The following NLRP14 variants were observed in gnomAD, a reference collection of about 807,000 sequenced individuals.
NLRP14 encodes NACHT, LRR and PYD domains-containing protein 14.
In NLRP14, 105 loss-of-function variants were observed where a neutral mutation model predicts 94.7. That is an observed-to-expected ratio of 1.11 (90% CI 0.95 to 1.30). The LOEUF is 1.30. Among genes scored for constraint, NLRP14 ranks in the 50% most tolerant of loss-of-function variants. NLRP14 has a pLI of 0.00. For synonymous variants in NLRP14, 508 were observed against 459.9 expected (o/e 1.10, Z -1.34); for missense variants, 1,362 against 1,254.1 (o/e 1.09, Z -1.30).
chr11:7,060,099 C>T lies in NLRP14; in HGVS notation c.2804+35C>T, dbSNP rs367558285. 7.6e-5 allele frequency: 119 copies of T among 1,571,402 alleles called. 1 individual carries two copies. In the South Asian group the frequency reaches 7.8e-4, roughly 10 times the overall value. On this transcript the variant is annotated intron_variant, in intron 9 of 11. Coordinates refer to ENST00000299481, the MANE Select transcript of NLRP14 (RefSeq NM_176822.4). ...CTGTTGCTTTACTTTTGTGTAGTTT[C>T]AACAACAGAGTGTCTGGGGAGATAC...
At chr11:7,073,487 A>AT (rs1852831678), downstream of NLRP14, among the ~76,000 whole-genome samples, 1 of 152,120 alleles carries the variant, frequency 6.6e-6, no homozygotes, top group Non-Finnish European at 1.5e-5. Flanking sequence ...CTATTCTGAT[A>AT]TTATCATCCT....
chr11:7,087,897 A>G, the NLRP14 span, among the ~76,000 whole-genome samples: 4,714 of 152,320 alleles, frequency 0.031, 137 homozygotes, highest in East Asian at 0.13. Flanking sequence ...AAGGAGGATC[A>G]TTACATAAAA....
chr11:7,063,643 T>A (rs1852661219), intron 10 of NLRP14, among the ~76,000 whole-genome samples: 1 of 152,064 alleles, frequency 6.6e-6, no homozygotes, highest in Admixed American at 6.6e-5. Flanking sequence ...TGGCTTCTGG[T>A]GAATTTTCAC....
intron 4 of NLRP14, among the ~76,000 whole-genome samples, chr11:7,046,203 A>G (rs1038465971): frequency 6.6e-6 from 1 of 152,154 alleles, no homozygotes; most frequent in Non-Finnish European, 1.5e-5. Context: ...CAAGTTATAG[A>G]ACTTATGCAA....
chr11:7,077,193 C>T, the NLRP14 span, among the ~76,000 whole-genome samples: 1 of 152,228 alleles, frequency 6.6e-6, no homozygotes, highest in Non-Finnish European at 1.5e-5. Flanking sequence ...CCTCCTGTGT[C>T]CCTGAGCCAG....
chr11:7,040,327 C>T (rs144344275), intron 3 of NLRP14, among the ~76,000 whole-genome samples: 1 of 152,324 alleles, frequency 6.6e-6, no homozygotes, highest in African/African-American at 2.4e-5. Context: ...CTGAGCTTCG[C>T]CTCCTGTCAG....
chr11:7,047,910 G>C (rs1432540869), intron 5 of NLRP14, among the ~76,000 whole-genome samples: 2 of 151,230 alleles, frequency 1.3e-5, no homozygotes, highest in African/African-American at 4.9e-5. Context: ...CAGGCACGCA[G>C]CACCACACCT....
At chr11:7,028,330 A>G (rs1461448479) in intron 1 of NLRP14, among the ~76,000 whole-genome samples, 1 of 151,988 alleles carries the variant, frequency 6.6e-6, no homozygotes, top group Non-Finnish European at 1.5e-5. Context: ...TTACCTCCCA[A>G]TCTGTTCTGT....
Position 7,042,842 on chromosome 11 carries a change from G to C in NLRP14, c.816G>C (p.Glu272Asp). The change falls in exon 4 of 12, where the codon GAG (glutamate) becomes GAC (aspartate). Residue 272 changes from glutamate to aspartate, a missense_variant. Coordinates refer to ENST00000299481, the MANE Select transcript of NLRP14 (RefSeq NM_176822.4). ...TGAACTTTGCCTTTGAAGAACCTGA[G>C]TTTGCACTGTGCGAAGACTGGACCC... ...DELNFAFEEP[E>D]FALCEDWTQE... 1 of 1,614,178 alleles carries C rather than the reference G, an allele frequency of 6.2e-7. No homozygotes were observed. Among genetic ancestry groups the C allele is most frequent in the South Asian group, 1.1e-5 (1 of 91,082 alleles).
At chr11:7,089,815 C>T in the NLRP14 span, 6 of 1,606,852 alleles carry the variant, frequency 3.7e-6, no homozygotes, top group Admixed American at 3.3e-5. Flanking sequence ...CGGGGTTTTG[C>T]CCCCTCGCCC....
At chr11:7,089,974 G>A in the NLRP14 span, 3 of 1,613,154 alleles carry the variant, frequency 1.9e-6, no homozygotes, top group Non-Finnish European at 2.5e-6. Flanking sequence ...CCCTTTGAGA[G>A]CTACGGAGAG....
At chr11:7,083,442 T>C in the NLRP14 span, among the ~76,000 whole-genome samples, 3 of 152,220 alleles carry the variant, frequency 2.0e-5, no homozygotes, top group Non-Finnish European at 4.4e-5. Flanking sequence ...ATTCCGATTC[T>C]TTGACAGTTC....
Position 7,062,348 on chromosome 11 carries a change from T to A in NLRP14, c.2820T>A (p.Val940=). ...ATTCTTACAGATTGATGGGCTGTGT[T>A]CTCACTAATGCATGTTGTCTGGATC... ...NLQDLELMGC[V]LTNACCLDLA... Residue 940 remains valine, a synonymous_variant, in exon 10 of 12, where the codon GTT becomes GTA. Coordinates refer to ENST00000299481, the MANE Select transcript of NLRP14 (RefSeq NM_176822.4). 1.2e-6 allele frequency: 2 copies of A among 1,612,820 alleles called. No homozygotes were observed. The highest frequency in any genetic ancestry group is 8.5e-7 in the Non-Finnish European group (1 of 1,179,020).
chr11:7,037,766 G>T (rs1230463336), intron 1 of NLRP14, among the ~76,000 whole-genome samples: 1 of 152,152 alleles, frequency 6.6e-6, no homozygotes, highest in Non-Finnish European at 1.5e-5. Flanking sequence ...ATGGGTTATG[G>T]GAGTTTGCAG....
rs769821175 is a variant in NLRP14, at chr11:7,070,416, A to G, written c.3106A>G (p.Lys1036Glu). Residue 1036 changes from lysine to glutamate, a missense_variant, in exon 11 of 12, where the codon AAA becomes GAA. Coordinates refer to ENST00000299481, the MANE Select transcript of NLRP14 (RefSeq NM_176822.4). ...LGYEGIVKLY[K>E]VLKSPKCKLQ... ...ATATGAAGGAATTGTGAAGTTATAT[A>G]AAGTCTTGAAGTCTCCTAAGTGTAA... 1.2e-5 allele frequency: 20 copies of G among 1,611,254 alleles called. No individual in the cohort carries two copies. In the South Asian group the frequency reaches 1.8e-4, roughly 14 times the overall value.
At chr11:7,048,758 T>C (rs1852397127) in intron 5 of NLRP14, among the ~76,000 whole-genome samples, 1 of 152,194 alleles carries the variant, frequency 6.6e-6, no homozygotes, top group Non-Finnish European at 1.5e-5. Context: ...CAATAGCCAA[T>C]GCCTTCTTGG....
chr11:7,056,515 CAAAAAAAAA>C (rs60703550), intron 6 of NLRP14, among the ~76,000 whole-genome samples: 1 of 122,864 alleles, frequency 8.1e-6, no homozygotes, highest in Non-Finnish European at 1.7e-5. Context: ...AGCACTAATA[CAAAAAAAAA>C]AAAAAAAAGA....
At chr11:7,049,898 A>C in intron 6 of NLRP14, 60 bp downstream of exon 6, 1 of 1,393,594 alleles carries the variant, frequency 7.2e-7, no homozygotes, top group Non-Finnish European at 1.0e-6. Context: ...TGTCTATCCA[A>C]GTAGACTCTT....
intron 1 of NLRP14, among the ~76,000 whole-genome samples, chr11:7,032,265 G>C (rs1269261225): frequency 2.0e-5 from 3 of 152,074 alleles, no homozygotes; most frequent in Non-Finnish European, 4.4e-5. Context: ...TCTTTGCTTA[G>C]TTGTAATCTT....
Sources: allele counts gnomAD v4.1 joint callset (sites outside exome capture counted in the v4.1 genomes callset), GRCh38; gene constraint gnomAD v4.1.1; transcripts MANE v1.5; gene names NCBI Gene and HGNC (gene_info 2026-07-23, HGNC 2026-07-21).